Variants in TNIK observed in about 807,000 individuals in gnomAD.
TNIK encodes the protein TRAF2 and NCK interacting kinase.
TNIK carries 49 observed loss-of-function variants against 191.3 expected under a neutral mutation model. The ratio of observed to expected loss-of-function variants is 0.26; its 90% CI spans 0.20 to 0.32. TNIK has a LOEUF of 0.32. TNIK is among the 10% of genes least tolerant of loss of function. The pLI, the probability that TNIK is intolerant of heterozygous loss-of-function variation, is 1.00. For missense variants in TNIK, 1,155 were observed against 1,702.3 expected, an observed-to-expected ratio of 0.68 and a Z score of 5.66; for synonymous variants, 594 against 600.9, an observed-to-expected ratio of 0.99 and a Z score of 0.17.
chr3:171,338,044 A>G lies in TNIK; in HGVS notation c.123+31576T>C, dbSNP rs576152344. Reference sequence around the variant, plus strand: ...CTTAATCGAAACTACGTACCTTTGAATCTCTTAATTTTACCAGGCTCTTCT... The same window carrying G: ...CTTAATCGAAACTACGTACCTTTGAGTCTCTTAATTTTACCAGGCTCTTCT... On this transcript the variant is annotated intron_variant, in intron 2 of 32. Transcript: ENST00000436636. 1.4e-3 allele frequency among the ~76,000 whole-genome samples: 217 copies of G among 152,276 alleles called. 1 individual carries two copies. The highest frequency in any genetic ancestry group is 5.1e-3 in the African/African-American group (213 of 41,562).
chr3:171,157,457 C>T lies in TNIK; in HGVS notation c.1221+3G>A, dbSNP rs552084095. The T allele has an allele frequency of 1.5e-4, 240 of 1,558,688 alleles. No homozygotes were observed. Among genetic ancestry groups the T allele is most frequent in the Non-Finnish European group, 2.0e-4 (228 of 1,151,744 alleles). ...GTCAGAGGTGGCCCGAGCAGGTCCT[C>T]ACCTCCTCCAGCCGCCGCCTCTGCT... On this transcript the variant is annotated splice_donor_region_variant and intron_variant, in intron 12 of 32. Coordinates refer to ENST00000436636, the MANE Select transcript of TNIK (RefSeq NM_015028.4).
intron 2 of TNIK, 22 bp downstream of exon 2, chr3:171,369,598 C>G: frequency 6.4e-7 from 1 of 1,559,078 alleles, no homozygotes; most frequent in Non-Finnish European, 8.7e-7. Context: ...ACATAAGCCA[C>G]TCTCAGACTC....
In TNIK at chr3:171,123,659, T is replaced by C; in HGVS notation, c.2057A>G (p.Lys686Arg). 6.3e-7 allele frequency: 1 copy of C among 1,578,584 alleles called. No individual in the cohort carries two copies. The highest frequency in any genetic ancestry group is 8.6e-7 in the Non-Finnish European group (1 of 1,160,036). ...TTSISPALAR[K>R]NSPGNGSALG... ...AGCACTACCATTCCCAGGAGAATTCTTTCTGGCTAATGCTGGGGATATAGA... is the reference window on the plus strand; with the variant it reads ...AGCACTACCATTCCCAGGAGAATTCCTTCTGGCTAATGCTGGGGATATAGA... The change falls in exon 18 of 33, where the codon AAG (lysine) becomes AGG (arginine). Residue 686 changes from lysine (K) to arginine (R), a missense_variant. Physicochemically the swap from Lys to Arg is conservative, Grantham distance 26 (BLOSUM62 2). This residue lies in a region of TNIK where 735 missense variants were observed against 848.0 expected (regional missense o/e 0.87). Coordinates refer to ENST00000436636, the MANE Select transcript of TNIK (RefSeq NM_015028.4).
At chr3:171,331,465 C>CA (rs1756416385) in intron 2 of TNIK, among the ~76,000 whole-genome samples, 1 of 152,142 alleles carries the variant, frequency 6.6e-6, no homozygotes, top group African/African-American at 2.4e-5. Flanking sequence ...TTGGTAAATT[C>CA]AATTTCAGAT....
chr3:171,191,608 A>G (rs1345393428), intron 5 of TNIK, among the ~76,000 whole-genome samples: 1 of 152,210 alleles, frequency 6.6e-6, no homozygotes, highest in East Asian at 1.9e-4. Context: ...CATTGGCTTT[A>G]CCCATTGTGC....
intron 4 of TNIK, among the ~76,000 whole-genome samples, chr3:171,202,282 T>C (rs1249970408): frequency 1.3e-5 from 2 of 152,088 alleles, no homozygotes; most frequent in Admixed American, 1.3e-4. Flanking sequence ...AGAAGCTAAC[T>C]TTAAGGTTGA....
At chr3:171,099,033 A>C (rs1230782079) in intron 22 of TNIK, among the ~76,000 whole-genome samples, 1 of 152,144 alleles carries the variant, frequency 6.6e-6, no homozygotes, top group Non-Finnish European at 1.5e-5. Flanking sequence ...ATCCCTTAAG[A>C]ACCATGTCAA....
At chr3:171,188,946 T>C in intron 6 of TNIK, 114 bp from the exon 7 acceptor site, 2 of 1,319,662 alleles carry the variant, frequency 1.5e-6, no homozygotes, top group Non-Finnish European at 2.1e-6. Flanking sequence ...AGTGTACAAT[T>C]TTGACCATTT....
intron 2 of TNIK, 127 bp from the exon 3 acceptor site, chr3:171,228,348 G>C (rs1219740673): frequency 9.1e-5 from 78 of 857,072 alleles, no homozygotes; most frequent in Non-Finnish European, 3.2e-5. Context: ...GAGAAAGACA[G>C]ACACACACAG....
chr3:171,373,991 C>A (rs1256827092), intron 1 of TNIK, among the ~76,000 whole-genome samples: 1 of 152,190 alleles, frequency 6.6e-6, no homozygotes, highest in Non-Finnish European at 1.5e-5. Context: ...GCCTCAAGAG[C>A]AAGCACTGTA....
intron 2 of TNIK, among the ~76,000 whole-genome samples, chr3:171,237,859 A>G (rs764207589): frequency 6.6e-6 from 1 of 152,194 alleles, no homozygotes; most frequent in Non-Finnish European, 1.5e-5. Flanking sequence ...TTGAGGCTGC[A>G]GTATGCTCTT....
intron 7 of TNIK, among the ~76,000 whole-genome samples, chr3:171,179,922 T>C (rs941747813): frequency 1.3e-5 from 2 of 152,166 alleles, no homozygotes; most frequent in African/African-American, 4.8e-5. Context: ...CTCTAGTATC[T>C]CCAGACCTTG....
Position 171,090,039 on chromosome 3 carries a change from T to C in TNIK, c.2722-2533A>G, listed in dbSNP as rs149835163. Among the ~76,000 whole-genome samples the C allele has an allele frequency of 4.4e-3, 667 of 152,252 alleles. 11 individuals are homozygous for C. Among genetic ancestry groups the C allele is most frequent in the African/African-American group, 0.015 (620 of 41,538 alleles). On this transcript the variant is annotated intron_variant, in intron 23 of 32. Coordinates refer to ENST00000436636, the MANE Select transcript of TNIK (RefSeq NM_015028.4). ...GGACCAGATTCCCACTGGAATTTAATATTAAGCCCAAGAGACATGGATCAG... is the reference window on the plus strand; with the variant it reads ...GGACCAGATTCCCACTGGAATTTAACATTAAGCCCAAGAGACATGGATCAG...
At chr3:171,135,781 T>A (rs1729913262) in intron 15 of TNIK, among the ~76,000 whole-genome samples, 1 of 152,202 alleles carries the variant, frequency 6.6e-6, no homozygotes, top group South Asian at 2.1e-4. Context: ...GTTGTTTGCA[T>A]GCTCAAATGC....
chr3:171,179,456 T>G (rs528013296), intron 7 of TNIK, among the ~76,000 whole-genome samples: 5 of 152,008 alleles, frequency 3.3e-5, no homozygotes, highest in South Asian at 2.1e-4. Flanking sequence ...GTTTTTTGTT[T>G]TTTTTTTTTC....
intron 2 of TNIK, among the ~76,000 whole-genome samples, chr3:171,336,542 C>T (rs1013715624): frequency 1.3e-5 from 2 of 152,164 alleles, no homozygotes; most frequent in African/African-American, 4.8e-5. Context: ...GAGGAAAGGC[C>T]TAACAGTCTA....
At chr3:171,148,464 A>G (rs533269966) in intron 12 of TNIK, among the ~76,000 whole-genome samples, 1 of 152,304 alleles carries the variant, frequency 6.6e-6, no homozygotes, top group African/African-American at 2.4e-5. Flanking sequence ...GGCCTAATGG[A>G]CATCCCTAGT....
chr3:171,227,396 G>C (rs956232595), intron 3 of TNIK, among the ~76,000 whole-genome samples: 1 of 152,072 alleles, frequency 6.6e-6, no homozygotes, highest in African/African-American at 2.4e-5. Flanking sequence ...TAGGATCTTA[G>C]AGCCATCCAA....
At chr3:171,273,759 G>A (rs1351745526) in intron 2 of TNIK, among the ~76,000 whole-genome samples, 1 of 152,166 alleles carries the variant, frequency 6.6e-6, no homozygotes, top group East Asian at 1.9e-4. Context: ...AATGTGAATA[G>A]AGCCTTAAGA....
Sources: allele counts gnomAD v4.1 joint callset (sites outside exome capture counted in the v4.1 genomes callset), GRCh38; gene constraint gnomAD v4.1.1; regional missense constraint gnomAD v4.1.1; transcripts MANE v1.5; gene names NCBI Gene and HGNC (gene_info 2026-07-23, HGNC 2026-07-21).